Variants in IFT74 observed in about 807,000 individuals in gnomAD.
The protein encoded by IFT74 is intraflagellar transport protein 74 homolog.
Under a neutral mutation model 96.7 loss-of-function variants are expected in IFT74, and 92 were observed. That is an observed-to-expected ratio of 0.95 (90% confidence interval 0.80 to 1.13). The LOEUF is 1.13. Ranked by LOEUF, IFT74 falls within the 50% of genes most tolerant of loss-of-function variation. The probability of loss-of-function intolerance (pLI) is 0.00; values close to 1 mark genes in which losing one functional copy is unlikely to be tolerated. For missense variants in IFT74, 811 were observed against 698.2 expected (o/e 1.16, Z -1.82); for synonymous variants, 223 against 213.2 (o/e 1.05, Z -0.40).
intron 8 of IFT74, among the ~76,000 whole-genome samples, chr9:27,003,379 C>T (rs1011333920): frequency 5.9e-5 from 9 of 151,928 alleles, no homozygotes; most frequent in African/African-American, 1.9e-4. Context: ...AAAAATTAGC[C>T]GGGTGCAGTG....
upstream of IFT74, among the ~76,000 whole-genome samples, chr9:26,952,950 ATTAAAG>A (rs1293164108): frequency 2.0e-5 from 3 of 152,218 alleles, no homozygotes; most frequent in African/African-American, 7.2e-5. Context: ...TAGTCAAATG[ATTAAAG>A]TTAAAGGCTT....
chr9:26,988,729 G>T lies in IFT74; in HGVS notation c.525+1G>T. On this transcript the variant is annotated splice_donor_variant, in intron 7 of 19. Transcript: ENST00000380062. LOFTEE classifies it high-confidence loss of function. Reference sequence around the variant, plus strand: ...AGAAGTAATGAATGATTACAATATGGTAAGAAAATTTATAAAAGCAAATTG... The same window carrying T: ...AGAAGTAATGAATGATTACAATATGTTAAGAAAATTTATAAAAGCAAATTG... 6.5e-7 allele frequency: 1 copy of T among 1,527,932 alleles called. No homozygotes were observed. Among genetic ancestry groups the T allele is most frequent in the Non-Finnish European group, 8.9e-7 (1 of 1,121,786 alleles). 94.6% of individuals were successfully genotyped at this position (1,527,932 alleles called of 1,614,324 possible).
At chr9:26,981,540 A>G (rs1827373448) in intron 4 of IFT74, among the ~76,000 whole-genome samples, 1 of 151,594 alleles carries the variant, frequency 6.6e-6, no homozygotes, top group Non-Finnish European at 1.5e-5. Flanking sequence ...TCAGCTTCCC[A>G]AGTAGCTGGG....
At chr9:27,033,437 A>G (rs1453365573) in intron 13 of IFT74, among the ~76,000 whole-genome samples, 1 of 152,056 alleles carries the variant, frequency 6.6e-6, no homozygotes, top group Non-Finnish European at 1.5e-5. Context: ...TGTGTGTTTG[A>G]CTTGTAGTCC....
At chr9:26,996,704 C>G (rs1828177687) in intron 8 of IFT74, among the ~76,000 whole-genome samples, 1 of 151,950 alleles carries the variant, frequency 6.6e-6, no homozygotes, top group East Asian at 1.9e-4. Context: ...AATGCAGTAT[C>G]TTTGTTATTT....
intron 12 of IFT74, among the ~76,000 whole-genome samples, chr9:27,028,130 C>G (rs948332795): frequency 5.3e-5 from 8 of 152,138 alleles, no homozygotes; most frequent in African/African-American, 1.9e-4. Context: ...TATTTCTGGA[C>G]TCACAATTTT....
intron 2 of IFT74, among the ~76,000 whole-genome samples, chr9:26,976,089 G>A (rs1258558171): frequency 1.3e-5 from 2 of 152,126 alleles, no homozygotes; most frequent in African/African-American, 4.8e-5. Flanking sequence ...TGGTCGCCGC[G>A]GTGTTGTAAG....
chr9:27,024,974 T>TA (rs753094409), intron 12 of IFT74, among the ~76,000 whole-genome samples: 3,488 of 130,796 alleles, frequency 0.027, 142 homozygotes, highest in African/African-American at 0.091. Context: ...AAAAAAGAAT[T>TA]AAAAAAAAAA....
intron 8 of IFT74, among the ~76,000 whole-genome samples, chr9:27,008,181 C>G (rs1828880837): frequency 6.6e-6 from 1 of 152,088 alleles, no homozygotes; most frequent in Admixed American, 6.6e-5. Context: ...TTAAGCAAAG[C>G]ATATTATTAA....
At chr9:27,026,083 T>C (rs1246870475) in intron 12 of IFT74, among the ~76,000 whole-genome samples, 4 of 152,210 alleles carry the variant, frequency 2.6e-5, no homozygotes, top group East Asian at 1.9e-4. Flanking sequence ...TCTCCCATCT[T>C]CAAGTGACTC....
intron 8 of IFT74, chr9:26,996,524 T>C (rs1828168709): frequency 7.4e-7 from 1 of 1,353,354 alleles, no homozygotes; most frequent in African/African-American, 1.5e-5. Flanking sequence ...AGAATAAGAT[T>C]TAGTATAGAG....
upstream of IFT74, among the ~76,000 whole-genome samples, chr9:26,951,524 A>G (rs1399762593): frequency 6.6e-6 from 1 of 152,246 alleles, no homozygotes; most frequent in Non-Finnish European, 1.5e-5. Context: ...AGATCTTAGA[A>G]AATTGAGGCT....
intron 13 of IFT74, among the ~76,000 whole-genome samples, chr9:27,043,914 T>C (rs1167237443): frequency 6.6e-6 from 1 of 151,922 alleles, no homozygotes; most frequent in Admixed American, 6.5e-5. Flanking sequence ...CCTCCAATCT[T>C]ACTTCTCTTT....
intron 19 of IFT74, chr9:27,061,010 T>C (rs1430206258): frequency 5.1e-6 from 1 of 197,668 alleles, no homozygotes; most frequent in African/African-American, 2.7e-5. Context: ...TGAAATTGAC[T>C]GAGTTATTTT....
At chr9:26,953,713 G>T, upstream of IFT74, among the ~76,000 whole-genome samples, 1 of 144,722 alleles carries the variant, frequency 6.9e-6, no homozygotes, top group African/African-American at 2.7e-5. Flanking sequence ...GTCTCACTAT[G>T]TTGCCCAGGC....
At chr9:26,964,690 A>G (rs959072901) in intron 2 of IFT74, among the ~76,000 whole-genome samples, 1 of 152,150 alleles carries the variant, frequency 6.6e-6, no homozygotes, top group African/African-American at 2.4e-5. Context: ...TCAAAATTTC[A>G]TGACATTTCT....
chr9:26,974,670 T>TAAG (rs1348666892), intron 2 of IFT74, among the ~76,000 whole-genome samples: 2 of 152,164 alleles, frequency 1.3e-5, no homozygotes, highest in Non-Finnish European at 2.9e-5. Context: ...TATTCACGTT[T>TAAG]CCAAATTGCC....
Position 27,063,044 on chromosome 9 carries a change from G to A in IFT74, c.*308G>A, listed in dbSNP as rs1787132008. The stretch of plus-strand genomic sequence containing the variant: ...ATAATCCATCTATGGCAACAAATGA[G>A]ATAAGCTTTTCTTGTATCAACTCTA... On this transcript the variant is annotated 3_prime_UTR_variant, in exon 20 of 20. Coordinates refer to ENST00000380062, the MANE Select transcript of IFT74 (RefSeq NM_025103.4). 3 of 242,084 alleles carry A rather than the reference G, an allele frequency of 1.2e-5. No individual in the cohort carries two copies. The highest frequency in any genetic ancestry group is 1.6e-5 in the Non-Finnish European group (2 of 126,992). 15.0% of individuals were successfully genotyped at this position (242,084 alleles called of 1,614,324 possible).
At chr9:27,011,807 A>G in intron 9 of IFT74, 99 bp from the exon 10 acceptor site, 1 of 591,468 alleles carries the variant, frequency 1.7e-6, no homozygotes, top group Non-Finnish European at 2.8e-6. Flanking sequence ...ATGTTGAGAA[A>G]CAGAGAAATA....
Sources: allele counts gnomAD v4.1 joint callset (sites outside exome capture counted in the v4.1 genomes callset), GRCh38; gene constraint gnomAD v4.1.1; transcripts MANE v1.5; gene names NCBI Gene and HGNC (gene_info 2026-07-23, HGNC 2026-07-21).